The following RNF216 variants were observed in gnomAD, a reference collection of about 807,000 sequenced individuals.
RNF216 encodes the protein E3 ubiquitin-protein ligase RNF216.
In RNF216, 72 loss-of-function variants were observed where a neutral mutation model predicts 110.8. That is an observed-to-expected ratio of 0.65 (90% CI 0.54 to 0.79). The LOEUF (loss-of-function observed/expected upper bound fraction) is 0.79, where lower values mean the gene tolerates loss of function less well. RNF216 is among the 30% of genes least tolerant of loss of function. RNF216 has a pLI of 0.00. For synonymous variants in RNF216, 495 were observed against 407.5 expected (o/e 1.21, Z -2.59); for missense variants, 1,342 against 1,141.2 (o/e 1.18, Z -2.54).
chr7:5,715,183 T>G lies in RNF216; in HGVS notation c.1703A>C (p.Gln568Pro). ...ATAGCAGCAGCGACACTCAATCAGC[T>G]GGCCATCCTGCAGGCAGTCAAGAAA... is the stretch of plus-strand genomic sequence containing the variant. ...MNEEQYQKDG[Q>P]LIECRCCYGE... The change falls in exon 11 of 17, where the codon CAG (glutamine) becomes CCG (proline). Residue 568 changes from glutamine (Q) to proline (P), a missense_variant. Transcript: ENST00000389902. 1 of 1,612,928 alleles carries G rather than the reference T, an allele frequency of 6.2e-7. No homozygotes were observed. The highest frequency in any genetic ancestry group is 8.5e-7 in the Non-Finnish European group (1 of 1,179,834).
chr7:5,711,833 C>T lies in RNF216; in HGVS notation c.1989G>A (p.Pro663=), dbSNP rs139879708. ...CCAACAGAGCCGGAAAGCTACAGGA[C>T]GGGCACCTAGAGTCAGAACAGCAGA... is the stretch of plus-strand genomic sequence containing the variant. The part of the protein sequence containing the change: ...AAYADELVRC[P]SCSFPALLDS... The change falls in exon 13 of 17, where the codon CCG becomes CCA. Residue 663 remains proline, a synonymous_variant. Coordinates refer to ENST00000389902, the MANE Select transcript of RNF216 (RefSeq NM_207111.4). 49 of 1,613,638 alleles carry T rather than the reference C, an allele frequency of 3.0e-5. No individual in the cohort carries two copies. The highest frequency in any genetic ancestry group is 2.9e-4 in the East Asian group (13 of 44,894).
intron 13 of RNF216, among the ~76,000 whole-genome samples, chr7:5,703,424 G>A (rs1026708767): frequency 1.3e-5 from 2 of 152,208 alleles, no homozygotes; most frequent in Non-Finnish European, 2.9e-5. Flanking sequence ...ATTGATAGCT[G>A]GTCCACACTC....
chr7:5,716,566 C>T (rs1251251398), intron 10 of RNF216, 150 bp downstream of exon 10: 4 of 586,536 alleles, frequency 6.8e-6, no homozygotes, highest in Admixed American at 3.1e-5. Context: ...TACTAGATCA[C>T]GTATCTGACT....
chr7:5,732,220 G>GT (rs1014871456), intron 5 of RNF216, among the ~76,000 whole-genome samples: 1 of 152,148 alleles, frequency 6.6e-6, no homozygotes, highest in Non-Finnish European at 1.5e-5. Flanking sequence ...GTGCACTGAG[G>GT]TTATGCAAAC....
intron 15 of RNF216, among the ~76,000 whole-genome samples, chr7:5,629,313 C>CA (rs1007434335): frequency 1.3e-5 from 2 of 151,052 alleles, no homozygotes; most frequent in African/African-American, 4.9e-5. Flanking sequence ...CCCAGCTCTA[C>CA]AAAATTTTAA....
At chr7:5,739,726 T>G in intron 4 of RNF216, 1 of 433,798 alleles carries the variant, frequency 2.3e-6, no homozygotes, top group Non-Finnish European at 4.7e-6. Flanking sequence ...GGTGGCCGGG[T>G]GCAGTGGCTC....
intron 15 of RNF216, among the ~76,000 whole-genome samples, chr7:5,632,919 G>C (rs1289777159): frequency 6.6e-6 from 1 of 152,156 alleles, no homozygotes; most frequent in Non-Finnish European, 1.5e-5. Context: ...GCAGTGTCAA[G>C]GACAAAGGGT....
Position 5,741,789 on chromosome 7 carries a change from G to A in RNF216, c.228C>T (p.Pro76=). ...TETNKPQRSR[P]NLIKPAAQWQ... ...ACTGGGCAGCTGGTTTGATGAGATT[G>A]GGTCGTGATCTCTGAGGTTTATTTG... is the stretch of plus-strand genomic sequence containing the variant. Residue 76 remains proline, a synonymous_variant, in exon 4 of 17, where the codon CCC becomes CCT. Coordinates refer to ENST00000389902, the MANE Select transcript of RNF216 (RefSeq NM_207111.4). The A allele has an allele frequency of 1.2e-6, 2 of 1,612,370 alleles. No homozygotes were observed. The highest frequency in any genetic ancestry group is 1.7e-6 in the Non-Finnish European group (2 of 1,179,504).
intron 13 of RNF216, among the ~76,000 whole-genome samples, chr7:5,690,811 G>A (rs116547493): frequency 8.5e-4 from 130 of 152,220 alleles, no homozygotes; most frequent in African/African-American, 3.0e-3. Context: ...ATGTACACAC[G>A]CATGTTCTGC....
intron 13 of RNF216, among the ~76,000 whole-genome samples, chr7:5,685,002 T>C (rs966668407): frequency 6.6e-6 from 1 of 152,096 alleles, no homozygotes; most frequent in Non-Finnish European, 1.5e-5. Flanking sequence ...TTACACAGCA[T>C]AGGTGGAGGG....
intron 9 of RNF216, among the ~76,000 whole-genome samples, chr7:5,720,566 A>C (rs1442853329): frequency 2.0e-5 from 3 of 152,086 alleles, no homozygotes; most frequent in Non-Finnish European, 2.9e-5. Flanking sequence ...CCTAACTTTC[A>C]TGTTGTTCAA....
At chr7:5,740,064 G>A (rs1296920375) in intron 4 of RNF216, among the ~76,000 whole-genome samples, 2 of 148,334 alleles carry the variant, frequency 1.3e-5, no homozygotes, top group South Asian at 4.3e-4. Context: ...AGGGTTAACG[G>A]ACTTGTTTGA....
intron 2 of RNF216, among the ~76,000 whole-genome samples, chr7:5,759,633 C>CTTT (rs560025609): frequency 3.0e-5 from 4 of 131,180 alleles, no homozygotes; most frequent in Admixed American, 8.2e-5. Flanking sequence ...CATTTTTCTT[C>CTTT]TTTTTTTTTT....
intron 3 of RNF216, among the ~76,000 whole-genome samples, chr7:5,747,728 C>T (rs1315416853): frequency 1.1e-5 from 1 of 94,004 alleles, no homozygotes; most frequent in Non-Finnish European, 1.9e-5. Flanking sequence ...CTGGCCTGGG[C>T]AACAGGAGAC....
intron 5 of RNF216, chr7:5,732,922 G>A (rs1794176569): frequency 6.6e-6 from 1 of 152,198 alleles, no homozygotes; most frequent in South Asian, 2.1e-4. Context: ...AACTGAAGCT[G>A]ACCACGTGTG....
intron 15 of RNF216, among the ~76,000 whole-genome samples, chr7:5,633,664 C>G (rs1787218105): frequency 6.6e-6 from 1 of 152,146 alleles, no homozygotes; most frequent in South Asian, 2.1e-4. Flanking sequence ...TCCTTGAATT[C>G]CTTTGAGCTC....
At position 5,681,552 on chromosome 7, in the gene RNF216, G is replaced by T. The variant is rs73339935; in HGVS notation, c.2062-29042C>A. Among the ~76,000 whole-genome samples the T allele has an allele frequency of 5.9e-3, 895 of 152,258 alleles. 10 individuals carry two copies. The highest frequency in any genetic ancestry group is 0.02 in the African/African-American group (848 of 41,544). On this transcript the variant is annotated intron_variant, in intron 13 of 16. Coordinates refer to ENST00000389902, the MANE Select transcript of RNF216 (RefSeq NM_207111.4). ...GCTAGGCAGGACCTGTAGCACCAAG[G>T]ACAGTGTCTTCCTCCTCCTTGATTA...
intron 13 of RNF216, among the ~76,000 whole-genome samples, chr7:5,665,918 C>A (rs1789480642): frequency 6.6e-6 from 1 of 152,096 alleles, no homozygotes; most frequent in Admixed American, 6.6e-5. Flanking sequence ...GTAATCCCAG[C>A]ACTTTGGGAG....
intron 3 of RNF216, among the ~76,000 whole-genome samples, chr7:5,742,409 G>A (rs1447928346): frequency 2.0e-5 from 3 of 151,966 alleles, no homozygotes; most frequent in African/African-American, 7.2e-5. Context: ...ATACAACAAT[G>A]AAAGAATGCT....
Sources: allele counts gnomAD v4.1 joint callset (sites outside exome capture counted in the v4.1 genomes callset), GRCh38; gene constraint gnomAD v4.1.1; transcripts MANE v1.5; gene names NCBI Gene and HGNC (gene_info 2026-07-23, HGNC 2026-07-21).